NELL1: variants seen among roughly 807,000 people sequenced by gnomAD.
NELL1 encodes the protein protein kinase C-binding protein NELL1.
A neutral mutation model predicts 107.4 loss-of-function variants in NELL1; 76 were observed. The ratio of observed to expected loss-of-function variants is 0.71; its 90% CI spans 0.59 to 0.86. NELL1 has a LOEUF of 0.86. NELL1 is among the 40% of genes least tolerant of loss of function. The pLI, the probability that NELL1 is intolerant of heterozygous loss-of-function variation, is 0.00. For synonymous variants in NELL1, 353 were observed against 341.2 expected (o/e 1.03, Z -0.38); for missense variants, 1,024 against 1,005.5 (o/e 1.02, Z -0.25).
intron 16 of NELL1, among the ~76,000 whole-genome samples, chr11:21,547,244 C>A (rs12421933): frequency 6.6e-6 from 1 of 151,860 alleles, no homozygotes; most frequent in African/African-American, 2.4e-5. Flanking sequence ...TTTTTCCAGG[C>A]GAACTACTCA....
Position 21,436,472 on chromosome 11 carries a change from A to G in NELL1, c.1645+65524A>G, listed in dbSNP as rs111252684. Among the ~76,000 whole-genome samples, 910 of 152,076 alleles carry G rather than the reference A, an allele frequency of 6.0e-3. 7 individuals are homozygous for G. Among genetic ancestry groups the G allele is most frequent in the South Asian group, 8.1e-3 (39 of 4,818 alleles). The stretch of plus-strand genomic sequence containing the variant: ...GTCTCTAATGATCATTTGTTTTTCT[A>G]TAGTATCATTTGTAATGTCTCTTAT... On this transcript the variant is annotated intron_variant, in intron 15 of 19. Transcript: ENST00000357134.
At chr11:21,511,880 C>T (rs550836843) in intron 15 of NELL1, among the ~76,000 whole-genome samples, 3 of 152,202 alleles carry the variant, frequency 2.0e-5, no homozygotes, top group African/African-American at 7.2e-5. Flanking sequence ...AATCTAAACA[C>T]AATAGAACCC....
chr11:20,846,609 T>C (rs1025659009), intron 3 of NELL1, among the ~76,000 whole-genome samples: 1 of 152,176 alleles, frequency 6.6e-6, no homozygotes, highest in Non-Finnish European at 1.5e-5. Context: ...AGAAAGTGCA[T>C]ACACTGTCAA....
chr11:21,458,230 A>G (rs1263966984), intron 15 of NELL1, among the ~76,000 whole-genome samples: 1 of 152,192 alleles, frequency 6.6e-6, no homozygotes, highest in Non-Finnish European at 1.5e-5. Context: ...ATGACAGTGT[A>G]GATATGGTAA....
Position 21,320,677 on chromosome 11 carries a change from T to C in NELL1, c.1550-50176T>C, listed in dbSNP as rs562826073. Among the ~76,000 whole-genome samples, 23 of 152,274 alleles carry C rather than the reference T, an allele frequency of 1.5e-4. 2 individuals are homozygous for C. In the South Asian group the frequency reaches 2.1e-3, roughly 14 times the overall value. ...TCTTAGAATCTCTGACTCTTCCAAA[T>C]AGCGAAAGCCCCCACATTTGGTTCC... On this transcript the variant is annotated intron_variant, in intron 14 of 19. Coordinates refer to ENST00000357134, the MANE Select transcript of NELL1 (RefSeq NM_006157.5).
intron 16 of NELL1, among the ~76,000 whole-genome samples, chr11:21,559,832 T>C (rs536163839): frequency 6.6e-6 from 1 of 152,262 alleles, no homozygotes; most frequent in South Asian, 2.1e-4. Context: ...AAATCGTTCT[T>C]AAGAATATCC....
At chr11:21,570,977 C>G (rs766228759) in intron 18 of NELL1, 37 bp downstream of exon 18, 3 of 1,581,816 alleles carry the variant, frequency 1.9e-6, no homozygotes, top group South Asian at 2.3e-5. Context: ...TGAGCCTTTA[C>G]TCTGAAAGAG....
At chr11:21,312,332 T>C (rs1281106612) in intron 14 of NELL1, among the ~76,000 whole-genome samples, 1 of 73,508 alleles carries the variant, frequency 1.4e-5, no homozygotes, top group Admixed American at 1.8e-4. Flanking sequence ...ATGATGGCTC[T>C]TTTAGAAAGG....
intron 13 of NELL1, among the ~76,000 whole-genome samples, chr11:21,169,224 T>C (rs1158879518): frequency 6.6e-6 from 1 of 151,838 alleles, no homozygotes; most frequent in African/African-American, 2.4e-5. Context: ...TGTAGGTATA[T>C]GTTTAAGGAT....
At chr11:20,733,395 T>A (rs535189108) in intron 2 of NELL1, among the ~76,000 whole-genome samples, 1 of 152,298 alleles carries the variant, frequency 6.6e-6, no homozygotes, top group South Asian at 2.1e-4. Context: ...CCAGGACAAC[T>A]GCAAATTCAG....
chr11:20,852,356 G>A (rs901083166), intron 4 of NELL1, among the ~76,000 whole-genome samples: 1 of 152,146 alleles, frequency 6.6e-6, no homozygotes, highest in African/African-American at 2.4e-5. Context: ...AAAGCATGCA[G>A]AATCCAAAAC....
chr11:20,687,044 TC>T (rs1465457877), intron 2 of NELL1, among the ~76,000 whole-genome samples: 1 of 80,496 alleles, frequency 1.2e-5, no homozygotes, highest in African/African-American at 7.1e-5. Context: ...TCTCTCTCTC[TC>T]TTTTTTTTTT....
chr11:20,739,490 G>A (rs765419006), intron 2 of NELL1, among the ~76,000 whole-genome samples: 12 of 152,144 alleles, frequency 7.9e-5, no homozygotes, highest in African/African-American at 1.7e-4. Flanking sequence ...TAATCCAGCC[G>A]CTGTCTGCCT....
chr11:21,148,854 C>A (rs1791841), intron 13 of NELL1, among the ~76,000 whole-genome samples: 50,002 of 151,970 alleles, frequency 0.33, 8,406 homozygotes, highest in African/African-American at 0.36. Flanking sequence ...TAACATAATT[C>A]GTTATATTAC....
chr11:20,677,914 C>CT lies in NELL1; in HGVS notation c.56-17dup. 1 of 1,613,688 alleles carries CT rather than the reference C, an allele frequency of 6.2e-7. No individual in the cohort carries two copies. The highest frequency in any genetic ancestry group is 8.5e-7 in the Non-Finnish European group (1 of 1,179,630). On this transcript the variant is annotated splice_polypyrimidine_tract_variant and intron_variant, in intron 1 of 19. Coordinates refer to ENST00000357134, the MANE Select transcript of NELL1 (RefSeq NM_006157.5). ...CAGTCTGCATTTTAAGCCCAAACAA[C>CT]TCTTTGTTCCTTTCCAGTGGTGGGC...
At position 20,799,558 on chromosome 11, in the gene NELL1, A is replaced by G. The variant is rs74458727; in HGVS notation, c.335+15728A>G. Among the ~76,000 whole-genome samples, 1,486 of 152,224 alleles carry G rather than the reference A, an allele frequency of 9.8e-3. 21 individuals carry two copies. Among genetic ancestry groups the G allele is most frequent in the African/African-American group, 0.034 (1,408 of 41,524 alleles). ...CTCCTTTCCCCCTTCTTATTGATTGACTTGATTATAAATAATAATAATACT... is the reference window on the plus strand; with the variant it reads ...CTCCTTTCCCCCTTCTTATTGATTGGCTTGATTATAAATAATAATAATACT... On this transcript the variant is annotated intron_variant, in intron 3 of 19. Coordinates refer to ENST00000357134, the MANE Select transcript of NELL1 (RefSeq NM_006157.5).
At chr11:21,194,111 A>G (rs1221509718) in intron 13 of NELL1, among the ~76,000 whole-genome samples, 1 of 151,820 alleles carries the variant, frequency 6.6e-6, no homozygotes, top group East Asian at 1.9e-4. Context: ...CTGTTAAAAT[A>G]TCTCTAAAGG....
At chr11:20,963,627 G>C (rs1191849991) in intron 12 of NELL1, among the ~76,000 whole-genome samples, 1 of 152,104 alleles carries the variant, frequency 6.6e-6, no homozygotes, top group Non-Finnish European at 1.5e-5. Flanking sequence ...AAGTGATCGG[G>C]TAGACAAGCT....
At chr11:21,025,429 A>G (rs1210047539) in intron 12 of NELL1, among the ~76,000 whole-genome samples, 1 of 151,676 alleles carries the variant, frequency 6.6e-6, no homozygotes, top group Non-Finnish European at 1.5e-5. Flanking sequence ...GGTTAATCTC[A>G]TTCTAGAGCC....
Sources: allele counts gnomAD v4.1 joint callset (sites outside exome capture counted in the v4.1 genomes callset), GRCh38; gene constraint gnomAD v4.1.1; transcripts MANE v1.5; gene names NCBI Gene and HGNC (gene_info 2026-07-23, HGNC 2026-07-21).